Variants in AGAP1 observed in about 807,000 individuals in gnomAD.
The protein encoded by AGAP1 is arf-GAP with GTPase, ANK repeat and PH domain-containing protein 1.
A neutral mutation model predicts 105.3 loss-of-function variants in AGAP1; 29 were observed. The observed-to-expected ratio is 0.28, with a 90% CI of 0.21 to 0.38. The LOEUF (loss-of-function observed/expected upper bound fraction) is 0.38. AGAP1 is among the 10% of genes least tolerant of loss of function. AGAP1 has a pLI of 1.00. For missense variants in AGAP1, 998 were observed against 1,165.1 expected (o/e 0.86, Z 2.09); for synonymous variants, 509 against 485.9 (o/e 1.05, Z -0.63).
rs534552179 is a variant in AGAP1 at position 235,972,185 on chromosome 2, C to A, written c.1645+3562C>A. ...TACTAGTGTATTCTCTATCGCCTGA[C>A]CAAGTGCTGAAAAGATGGAATTACA... On this transcript the variant is annotated intron_variant, in intron 13 of 17. Transcript: ENST00000304032. 2.0e-5 allele frequency among the ~76,000 whole-genome samples: 3 copies of A among 152,250 alleles called. No homozygotes were observed. The East Asian group carries it at 5.8e-4, about 29-fold the overall frequency.
intron 6 of AGAP1, among the ~76,000 whole-genome samples, chr2:235,764,351 C>T (rs1365224669): frequency 1.3e-5 from 2 of 152,174 alleles, no homozygotes; most frequent in African/African-American, 2.4e-5. Context: ...CCACCACGGT[C>T]GCTTCAGCCC....
intron 1 of AGAP1, among the ~76,000 whole-genome samples, chr2:235,581,412 A>G (rs548188989): frequency 4.0e-4 from 61 of 150,990 alleles, no homozygotes; most frequent in Non-Finnish European, 8.7e-4. Context: ...CCAGCTTTTT[A>G]AGAATTCAAT....
rs529337320 is a variant in AGAP1, at chr2:235,531,608, C to CTT, written c.163+36775_163+36776dup. Among the ~76,000 whole-genome samples the CTT allele has an allele frequency of 4.8e-4, 65 of 135,298 alleles. 1 individual carries two copies. Among genetic ancestry groups the CTT allele is most frequent in the Middle Eastern group, 3.9e-3 (1 of 256 alleles). The allele number at this position is 135,298 out of a possible 152,430, so 88.8% of individuals were successfully genotyped here. A position where few individuals can be genotyped will look rare whatever the true frequency, so the allele number is the denominator to read the frequency against. On this transcript the variant is annotated intron_variant, in intron 1 of 17. Coordinates refer to ENST00000304032, the MANE Select transcript of AGAP1 (RefSeq NM_001037131.3). ...ACCTTTGGTTCTCTGGTAGCTTTGC[C>CTT]TTTTTTTTTTTTTTTTTGAGACAGA...
In AGAP1 at chr2:236,101,602, C is replaced by T. The variant is rs368595617; in HGVS notation, c.2115-18590C>T. On this transcript the variant is annotated intron_variant, in intron 16 of 17. Transcript: ENST00000304032. The surrounding 1 kb of genome is among the most constrained non-coding windows in gnomAD (Gnocchi z 4.9). ...TCGGTGCACGTACAGCGAGGGCTTACATCCACTTTACGGGATCCGGAGCGG... is the reference window on the plus strand; with the variant it reads ...TCGGTGCACGTACAGCGAGGGCTTATATCCACTTTACGGGATCCGGAGCGG... Among the ~76,000 whole-genome samples, 3 of 152,338 alleles carry T rather than the reference C, an allele frequency of 2.0e-5. No homozygotes were observed. The South Asian group carries it at 6.2e-4, about 32-fold the overall frequency.
At chr2:235,674,419 A>G (rs1948612092) in intron 1 of AGAP1, among the ~76,000 whole-genome samples, 1 of 152,228 alleles carries the variant, frequency 6.6e-6, no homozygotes, top group Non-Finnish European at 1.5e-5. Context: ...ATCCCAGTGG[A>G]TGCCGTCTGG....
intron 1 of AGAP1, among the ~76,000 whole-genome samples, chr2:235,536,556 C>G (rs532931051): frequency 5.4e-4 from 73 of 134,700 alleles, no homozygotes; most frequent in African/African-American, 1.9e-3. Context: ...GCAGGACCCC[C>G]GGGTTTGTGT....
chr2:235,548,021 G>A (rs1943683994), intron 1 of AGAP1, among the ~76,000 whole-genome samples: 1 of 152,234 alleles, frequency 6.6e-6, no homozygotes, highest in Non-Finnish European at 1.5e-5. Context: ...TACAATATTT[G>A]TTAGCCAAGC....
intron 9 of AGAP1, among the ~76,000 whole-genome samples, chr2:235,808,821 A>G (rs1181070208): frequency 6.6e-6 from 1 of 152,066 alleles, no homozygotes; most frequent in Non-Finnish European, 1.5e-5. Context: ...CAACAACAGA[A>G]CTTTCCACTT....
Position 235,819,098 on chromosome 2 carries a change from ATTTCT to A in AGAP1, c.1050+11786_1050+11790del, listed in dbSNP as rs199751739. ...TCAGAATCGAGTATCGGGAAATTGT[ATTTCT>A]TTTCTTTTCTTTTCTTTTTTTTTTT... On this transcript the variant is annotated intron_variant, in intron 9 of 17. Coordinates refer to ENST00000304032, the MANE Select transcript of AGAP1 (RefSeq NM_001037131.3). Among the ~76,000 whole-genome samples, 995 of 148,144 alleles carry A rather than the reference ATTTCT, an allele frequency of 6.7e-3. 11 individuals are homozygous for A. Among genetic ancestry groups the A allele is most frequent in the Middle Eastern group, 0.014 (4 of 284 alleles).
rs1365405680 is a variant in AGAP1 at position 236,020,987 on chromosome 2, G to A, written c.1646-15574G>A. Among the ~76,000 whole-genome samples, 3 of 151,980 alleles carry A rather than the reference G, an allele frequency of 2.0e-5. No homozygotes were observed. Among genetic ancestry groups the A allele is most frequent in the Non-Finnish European group, 4.4e-5 (3 of 68,016 alleles). ...TCGAGACCAGCCTGGTCAACGTGGTGAAACCCCATCTCTACTAAAAATACA... is the reference window on the plus strand; with the variant it reads ...TCGAGACCAGCCTGGTCAACGTGGTAAAACCCCATCTCTACTAAAAATACA... On this transcript the variant is annotated intron_variant, in intron 13 of 17. Transcript: ENST00000304032. This position sits in a 1 kb window ranked among gnomAD's most constrained non-coding sequence, Gnocchi z 5.0.
rs1368546351 is a variant in AGAP1, at chr2:235,753,275, CA to C, written c.673+2788del. Among the ~76,000 whole-genome samples, 6 of 152,292 alleles carry C rather than the reference CA, an allele frequency of 3.9e-5. No homozygotes were observed. Among genetic ancestry groups the C allele is most frequent in the African/African-American group, 1.4e-4 (6 of 41,568 alleles). On this transcript the variant is annotated intron_variant, in intron 6 of 17. Transcript: ENST00000304032. This position sits in a 1 kb window ranked among gnomAD's most constrained non-coding sequence, Gnocchi z 4.5. ...TTTCTAAATATTAGTTTAAAATATTCAGAAAAAGCGTTTCCGTTACTGTGAC... is the reference window on the plus strand; with the variant it reads ...TTTCTAAATATTAGTTTAAAATATTCGAAAAAGCGTTTCCGTTACTGTGAC...
intron 6 of AGAP1, among the ~76,000 whole-genome samples, chr2:235,794,533 A>G (rs1468634392): frequency 2.0e-5 from 3 of 152,108 alleles, no homozygotes; most frequent in African/African-American, 7.2e-5. Context: ...GTGCAGTGGC[A>G]TGATCTTGGC....
rs142249793 is a variant in AGAP1 at position 235,770,278 on chromosome 2, G to A, written c.673+19790G>A. Among the ~76,000 whole-genome samples the A allele has an allele frequency of 6.5e-3, 911 of 140,162 alleles. 1 individual carries two copies. Among genetic ancestry groups the A allele is most frequent in the Non-Finnish European group, 9.7e-3 (610 of 62,704 alleles). 92.0% of individuals were successfully genotyped at this position (140,162 alleles called of 152,430 possible). ...CTCCCCAGTAGCTGGGACTACAGACGCACGCCACCCCACGCCTGGCTAATT... is the reference window on the plus strand; with the variant it reads ...CTCCCCAGTAGCTGGGACTACAGACACACGCCACCCCACGCCTGGCTAATT... On this transcript the variant is annotated intron_variant, in intron 6 of 17. Coordinates refer to ENST00000304032, the MANE Select transcript of AGAP1 (RefSeq NM_001037131.3).
intron 1 of AGAP1, among the ~76,000 whole-genome samples, chr2:235,668,900 C>A (rs1168253602): frequency 2.0e-5 from 3 of 152,130 alleles, no homozygotes; most frequent in Non-Finnish European, 4.4e-5. Flanking sequence ...AGTGAATAAG[C>A]CTGGCTTGCG....
chr2:235,560,403 A>G (rs929914880), intron 1 of AGAP1, among the ~76,000 whole-genome samples: 1 of 151,938 alleles, frequency 6.6e-6, no homozygotes, highest in Non-Finnish European at 1.5e-5. Context: ...TGTGGTAGAC[A>G]GAAAAATGGC....
intron 1 of AGAP1, among the ~76,000 whole-genome samples, chr2:235,682,843 T>C (rs1559345221): frequency 6.7e-6 from 1 of 149,230 alleles, no homozygotes; most frequent in South Asian, 2.1e-4. Context: ...GAGCACGGAA[T>C]TCATGTTCCG....
intron 7 of AGAP1, 24 bp downstream of exon 7, chr2:235,797,910 CAGACTCTT>C (rs1244393327): frequency 1.9e-6 from 3 of 1,613,662 alleles, no homozygotes; most frequent in African/African-American, 2.7e-5. Flanking sequence ...CATGAGAAGT[CAGACTCTT>C]AGAACCAAAG....
chr2:236,103,683 C>T (rs909571066), intron 16 of AGAP1, among the ~76,000 whole-genome samples: 1 of 152,118 alleles, frequency 6.6e-6, no homozygotes, highest in Non-Finnish European at 1.5e-5. Context: ...AGTTCTCCTG[C>T]CTCAGCCTCC....
chr2:236,085,404 G>A (rs2058903999), intron 16 of AGAP1, among the ~76,000 whole-genome samples: 1 of 152,002 alleles, frequency 6.6e-6, no homozygotes. Flanking sequence ...TGTTTGGGAG[G>A]GGAGCACTCT....
Sources: allele counts gnomAD v4.1 joint callset (sites outside exome capture counted in the v4.1 genomes callset), GRCh38; gene constraint gnomAD v4.1.1; non-coding constraint Gnocchi (gnomAD v3.1); transcripts MANE v1.5; gene names NCBI Gene and HGNC (gene_info 2026-07-23, HGNC 2026-07-21).